The following TMTC1 variants were observed in gnomAD, a reference collection of about 807,000 sequenced individuals.
The protein encoded by TMTC1 is protein O-mannosyl-transferase TMTC1.
Under a neutral mutation model 104.8 loss-of-function variants are expected in TMTC1, and 73 were observed. That is an observed-to-expected ratio of 0.70 (90% CI 0.58 to 0.85). TMTC1 has a LOEUF of 0.85. Among genes scored for constraint, TMTC1 ranks in the 40% least tolerant of loss-of-function variants. The pLI is 0.00. For synonymous variants in TMTC1, 434 were observed against 428.7 expected, an observed-to-expected ratio of 1.01 and a Z score of -0.15; for missense variants, 1,035 against 1,096.1, an observed-to-expected ratio of 0.94 and a Z score of 0.79.
chr12:29,569,752 T>C (rs1022219671), intron 9 of TMTC1, among the ~76,000 whole-genome samples: 2 of 152,214 alleles, frequency 1.3e-5, no homozygotes, highest in African/African-American at 4.8e-5. Flanking sequence ...ACAAAAATGA[T>C]ATTTTTAACC....
chr12:29,523,650 T>A (rs867148314), intron 11 of TMTC1, among the ~76,000 whole-genome samples: 2,309 of 152,288 alleles, frequency 0.015, 62 homozygotes, highest in African/African-American at 0.053. Context: ...AGGCACTTAT[T>A]TGGTCTTAAG....
At chr12:29,610,691 C>T (rs368021367) in intron 6 of TMTC1, among the ~76,000 whole-genome samples, 1 of 152,198 alleles carries the variant, frequency 6.6e-6, no homozygotes, top group East Asian at 1.9e-4. Context: ...GGTCACACTG[C>T]GAGATGTTTA....
chr12:29,596,576 G>C (rs1946410468), intron 7 of TMTC1, among the ~76,000 whole-genome samples: 1 of 152,158 alleles, frequency 6.6e-6, no homozygotes, highest in Non-Finnish European at 1.5e-5. Context: ...GTGGACTTGG[G>C]TTATTTAGCC....
At chr12:29,759,035 A>G (rs1943281091) in intron 2 of TMTC1, among the ~76,000 whole-genome samples, 1 of 152,216 alleles carries the variant, frequency 6.6e-6, no homozygotes. Flanking sequence ...AAGCTCTCAG[A>G]GCGTCAATTC....
At chr12:29,641,782 T>C (rs1014834830) in intron 5 of TMTC1, among the ~76,000 whole-genome samples, 1 of 152,128 alleles carries the variant, frequency 6.6e-6, no homozygotes, top group Non-Finnish European at 1.5e-5. Context: ...AGGAGGTTAG[T>C]TATTAAACTA....
At chr12:29,587,881 C>T (rs1592278155) in intron 7 of TMTC1, among the ~76,000 whole-genome samples, 1 of 152,288 alleles carries the variant, frequency 6.6e-6, no homozygotes, top group East Asian at 1.9e-4. Flanking sequence ...GTTGCTCTAG[C>T]TAATAGAAAC....
intron 9 of TMTC1, among the ~76,000 whole-genome samples, chr12:29,568,512 T>C (rs2766599): frequency 0.59 from 89,758 of 151,990 alleles, 27,577 homozygotes; most frequent in Non-Finnish European, 0.67. Flanking sequence ...CTCATAGCAA[T>C]GAATTATGGA....
At chr12:29,620,025 A>G (rs1313115693) in intron 6 of TMTC1, among the ~76,000 whole-genome samples, 1 of 152,192 alleles carries the variant, frequency 6.6e-6, no homozygotes, top group Non-Finnish European at 1.5e-5. Context: ...GCATGCCTGG[A>G]CTTTGAAATA....
At chr12:29,729,413 T>C (rs1942488128) in intron 5 of TMTC1, among the ~76,000 whole-genome samples, 1 of 151,960 alleles carries the variant, frequency 6.6e-6, no homozygotes, top group South Asian at 2.1e-4. Context: ...CTTCCCTACC[T>C]TCTGCTTTCT....
In TMTC1 at chr12:29,701,359, T is replaced by C. The variant is rs1941589648; in HGVS notation, c.938+50307A>G. On this transcript the variant is annotated intron_variant, in intron 5 of 17. Coordinates refer to ENST00000539277, the MANE Select transcript of TMTC1 (RefSeq NM_001193451.2). ...ACTCACGAGGGTAGCTCCCAGTTAG[T>C]GACTGAGCAAGGCTGGGAAACTAAG... 2.0e-5 allele frequency among the ~76,000 whole-genome samples: 3 copies of C among 152,122 alleles called. No homozygotes were observed. In the South Asian group the frequency reaches 6.2e-4, roughly 31 times the overall value.
rs542778065 is a variant in TMTC1, at chr12:29,605,825, G to T, written c.1129-1526C>A. Among the ~76,000 whole-genome samples, 39 of 152,212 alleles carry T rather than the reference G, an allele frequency of 2.6e-4. No homozygotes were observed. In the South Asian group the frequency reaches 5.2e-3, roughly 20 times the overall value. On this transcript the variant is annotated intron_variant, in intron 6 of 17. Coordinates refer to ENST00000539277, the MANE Select transcript of TMTC1 (RefSeq NM_001193451.2). Reference sequence around the variant, plus strand: ...TTCTGCCACCCAGAGAGTGAAAATCGTACCCAATAGCAAGTTTTTCAGCCC... The same window carrying T: ...TTCTGCCACCCAGAGAGTGAAAATCTTACCCAATAGCAAGTTTTTCAGCCC...
rs903116384 is a variant in TMTC1 at position 29,615,052 on chromosome 12, C to T, written c.1129-10753G>A. On this transcript the variant is annotated intron_variant, in intron 6 of 17. Coordinates refer to ENST00000539277, the MANE Select transcript of TMTC1 (RefSeq NM_001193451.2). The stretch of plus-strand genomic sequence containing the variant: ...AGCTGCCATTCCTAAATGTTCTTTC[C>T]AATTAATCACTTTTTCATACCAAAT... Among the ~76,000 whole-genome samples the T allele has an allele frequency of 5.9e-5, 9 of 152,246 alleles. No homozygotes were observed. The South Asian group carries it at 1.7e-3, about 28-fold the overall frequency.
intron 5 of TMTC1, among the ~76,000 whole-genome samples, chr12:29,689,928 T>C (rs1379365646): frequency 6.6e-6 from 1 of 152,206 alleles, no homozygotes; most frequent in Non-Finnish European, 1.5e-5. Flanking sequence ...TCCTGATTAT[T>C]ACAAGGTAGA....
intron 4 of TMTC1, among the ~76,000 whole-genome samples, chr12:29,753,578 T>C (rs184879397): frequency 2.0e-5 from 3 of 152,358 alleles, no homozygotes; most frequent in African/African-American, 7.2e-5. Context: ...GCACAGTGCC[T>C]AGCACAGGGC....
intron 5 of TMTC1, chr12:29,661,197 C>A (rs923710537): frequency 1.3e-5 from 3 of 223,540 alleles, no homozygotes; most frequent in African/African-American, 4.7e-5. Context: ...CAGGACTCAG[C>A]TCTGTTAGCT....
chr12:29,680,548 C>T (rs187878088), intron 5 of TMTC1, among the ~76,000 whole-genome samples: 4 of 152,254 alleles, frequency 2.6e-5, no homozygotes, highest in African/African-American at 7.2e-5. Flanking sequence ...AGATAGAATG[C>T]CAACTACGTT....
chr12:29,587,805 C>T (rs1194081442), intron 7 of TMTC1, among the ~76,000 whole-genome samples: 1 of 152,092 alleles, frequency 6.6e-6, no homozygotes, highest in Non-Finnish European at 1.5e-5. Flanking sequence ...ATATCCTAGG[C>T]ACTAAACATA....
At chr12:29,733,531 A>G (rs1942597712) in intron 5 of TMTC1, among the ~76,000 whole-genome samples, 1 of 152,232 alleles carries the variant, frequency 6.6e-6, no homozygotes, top group South Asian at 2.1e-4. Flanking sequence ...CAGCCATTTT[A>G]GTGACATAGG....
chr12:29,656,597 G>C (rs1182657043), intron 5 of TMTC1, among the ~76,000 whole-genome samples: 2 of 151,858 alleles, frequency 1.3e-5, no homozygotes, highest in African/African-American at 4.8e-5. Flanking sequence ...CACAAGAACA[G>C]AAAGATGTTT....
Sources: allele counts gnomAD v4.1 joint callset (sites outside exome capture counted in the v4.1 genomes callset), GRCh38; gene constraint gnomAD v4.1.1; transcripts MANE v1.5; gene names NCBI Gene and HGNC (gene_info 2026-07-23, HGNC 2026-07-21).